Variants in LRRC7 observed in about 807,000 individuals in gnomAD.
LRRC7 encodes the protein leucine-rich repeat-containing protein 7.
In LRRC7, 23 loss-of-function variants were observed where a neutral mutation model predicts 175.7. The observed-to-expected ratio is 0.13, with a 90% CI of 0.09 to 0.19. The LOEUF (loss-of-function observed/expected upper bound fraction) is 0.19. Ranked by LOEUF, LRRC7 falls within the 10% of genes least tolerant of loss-of-function variation. The pLI is 1.00. For missense variants in LRRC7, 1,354 were observed against 1,904.7 expected (o/e 0.71, Z 5.38); for synonymous variants, 685 against 680.9 (o/e 1.01, Z -0.09).
chr1:70,014,896 C>A (rs1477183443), intron 13 of LRRC7, among the ~76,000 whole-genome samples: 1 of 151,926 alleles, frequency 6.6e-6, no homozygotes, highest in Admixed American at 6.6e-5. Context: ...CTAGCAGTTT[C>A]TTCATATTCT....
chr1:69,666,310 G>T (rs1658261992), intron 1 of LRRC7, among the ~76,000 whole-genome samples: 1 of 151,984 alleles, frequency 6.6e-6, no homozygotes, highest in Non-Finnish European at 1.5e-5. Flanking sequence ...TTTGGGTTTG[G>T]TATCAAGATA....
intron 17 of LRRC7, among the ~76,000 whole-genome samples, chr1:70,025,250 ATTTAT>A (rs886930558): frequency 2.7e-5 from 4 of 148,826 alleles, no homozygotes; most frequent in African/African-American, 9.9e-5. Flanking sequence ...ATAATTAATC[ATTTAT>A]TTTTAGTGTA....
At chr1:69,755,630 G>C (rs1453912904) in intron 2 of LRRC7, among the ~76,000 whole-genome samples, 1 of 151,274 alleles carries the variant, frequency 6.6e-6, no homozygotes, top group Non-Finnish European at 1.5e-5. Flanking sequence ...ACCCACAAAG[G>C]GATATGAAAA....
At chr1:69,807,729 A>G (rs778981215) in intron 4 of LRRC7, among the ~76,000 whole-genome samples, 1 of 151,912 alleles carries the variant, frequency 6.6e-6, no homozygotes, top group Non-Finnish European at 1.5e-5. Flanking sequence ...TGCCCTTAAC[A>G]TGTTTTCCTT....
intron 7 of LRRC7, among the ~76,000 whole-genome samples, chr1:69,917,663 A>G (rs751902158): frequency 5.3e-5 from 8 of 152,072 alleles, no homozygotes; most frequent in South Asian, 2.1e-4. Context: ...ACAACAAACA[A>G]TTATCTCATA....
intron 20 of LRRC7, 75 bp from the exon 21 acceptor site, chr1:70,038,036 CTT>C (rs1209688255): frequency 3.6e-5 from 55 of 1,512,008 alleles, no homozygotes; most frequent in Non-Finnish European, 4.9e-5. Context: ...TGATGGCCCT[CTT>C]TGCTGCTTGT....
At chr1:69,961,265 C>T (rs1651055087) in intron 8 of LRRC7, among the ~76,000 whole-genome samples, 1 of 152,128 alleles carries the variant, frequency 6.6e-6, no homozygotes, top group Non-Finnish European at 1.5e-5. Flanking sequence ...CCTAGGAATA[C>T]AGCTAACAAG....
At chr1:70,102,754 A>C (rs1183216700) in intron 25 of LRRC7, among the ~76,000 whole-genome samples, 3 of 152,178 alleles carry the variant, frequency 2.0e-5, no homozygotes, top group African/African-American at 4.8e-5. Flanking sequence ...CAGTCACTTC[A>C]TCTAACAATT....
Position 69,748,366 on chromosome 1 carries a change from C to T in LRRC7, c.101-11825C>T, listed in dbSNP as rs566718177. ...TGTGAAGGGCACCAAATTAACATTG[C>T]GTCTCATCACAAAAGGCAAGGAATC... On this transcript the variant is annotated intron_variant, in intron 2 of 26. Coordinates refer to ENST00000651989, the MANE Select transcript of LRRC7 (RefSeq NM_001370785.2). 2.6e-5 allele frequency among the ~76,000 whole-genome samples: 4 copies of T among 152,204 alleles called. No homozygotes were observed. In the South Asian group the frequency reaches 6.2e-4, roughly 24 times the overall value.
chr1:69,659,024 A>G (rs986315983), intron 1 of LRRC7, among the ~76,000 whole-genome samples: 11 of 152,038 alleles, frequency 7.2e-5, no homozygotes, highest in Non-Finnish European at 1.3e-4. Flanking sequence ...GCTATAGGAT[A>G]GGGTTGTCCA....
At chr1:69,785,102 T>G (rs1174077846) in intron 3 of LRRC7, among the ~76,000 whole-genome samples, 2 of 152,148 alleles carry the variant, frequency 1.3e-5, no homozygotes, top group Non-Finnish European at 2.9e-5. Context: ...CTATAGCTTT[T>G]TGTATTTTTG....
rs914817087 is a variant in LRRC7, at chr1:69,811,712, T to C, written c.422-14036T>C. On this transcript the variant is annotated intron_variant, in intron 4 of 26. Transcript: ENST00000651989. ...GCATATTCTCACTCATAAGTGGGAGTTGAACAATGAGAACACATGGACACA... is the reference window on the plus strand; with the variant it reads ...GCATATTCTCACTCATAAGTGGGAGCTGAACAATGAGAACACATGGACACA... Among the ~76,000 whole-genome samples the C allele has an allele frequency of 3.3e-5, 5 of 151,642 alleles. 1 individual carries two copies. In the South Asian group the frequency reaches 6.3e-4, roughly 19 times the overall value.
rs200421856 is a variant in LRRC7 at position 69,986,266 on chromosome 1, G to A, written c.811G>A (p.Val271Ile). ...PGSIGKLKMLVYLDMSKNRIE... is the reference protein window; with the variant it reads ...PGSIGKLKMLIYLDMSKNRIE... ...GTCTATAGGGAAGTTAAAGATGTTG[G>A]TATACCTGGATATGTCAAAAAACAG... is the stretch of plus-strand genomic sequence containing the variant. The change falls in exon 10 of 27, where the codon GTA (valine) becomes ATA (isoleucine). Residue 271 changes from valine (V) to isoleucine (I), a missense_variant. Around this residue, in one of 4 missense-constraint regions of LRRC7, gnomAD observed 201 missense variants for 481.4 expected, o/e 0.42. Coordinates refer to ENST00000651989, the MANE Select transcript of LRRC7 (RefSeq NM_001370785.2). The A allele has an allele frequency of 6.2e-7, 1 of 1,613,278 alleles. No individual in the cohort carries two copies. The highest frequency in any genetic ancestry group is 1.1e-5 in the South Asian group (1 of 91,046).
intron 1 of LRRC7, among the ~76,000 whole-genome samples, chr1:69,635,443 T>C (rs1653179386): frequency 6.6e-6 from 1 of 152,112 alleles, no homozygotes; most frequent in African/African-American, 2.4e-5. Flanking sequence ...TGCAGTTATT[T>C]TGAGAATCTA....
At chr1:69,853,114 G>GA (rs1239969161) in intron 7 of LRRC7, among the ~76,000 whole-genome samples, 2 of 151,730 alleles carry the variant, frequency 1.3e-5, no homozygotes, top group Non-Finnish European at 2.9e-5. Context: ...GATATTGTGA[G>GA]AAAAAAACTA....
intron 4 of LRRC7, among the ~76,000 whole-genome samples, chr1:69,820,021 T>G (rs1679090012): frequency 6.6e-6 from 1 of 152,136 alleles, no homozygotes; most frequent in Non-Finnish European, 1.5e-5. Context: ...TTAGCCTATT[T>G]ACATTTAAAA....
chr1:69,579,794 C>CTTTTT (rs71242784), intron 1 of LRRC7, among the ~76,000 whole-genome samples: 4 of 127,182 alleles, frequency 3.1e-5, no homozygotes, highest in East Asian at 2.3e-4. Context: ...TGAATAGAAG[C>CTTTTT]TTTTTTTTTT....
intron 10 of LRRC7, among the ~76,000 whole-genome samples, chr1:69,993,599 A>G (rs1170714499): frequency 1.4e-5 from 2 of 147,684 alleles, no homozygotes; most frequent in African/African-American, 5.4e-5. Context: ...TGGTATGTTA[A>G]AAGCTCCTAG....
At chr1:70,121,648 G>A (rs1168121849) in intron 26 of LRRC7, 132 bp from the exon 27 acceptor site, 1 of 601,690 alleles carries the variant, frequency 1.7e-6, no homozygotes, top group South Asian at 2.4e-5. Context: ...TTCCATAATT[G>A]CGATTCCATT....
Sources: allele counts gnomAD v4.1 joint callset (sites outside exome capture counted in the v4.1 genomes callset), GRCh38; gene constraint gnomAD v4.1.1; regional missense constraint gnomAD v4.1.1; transcripts MANE v1.5; gene names NCBI Gene and HGNC (gene_info 2026-07-23, HGNC 2026-07-21).